GPR158: variants seen among roughly 807,000 people sequenced by gnomAD.
The protein encoded by GPR158 is metabotropic glycine receptor.
A neutral mutation model predicts 78.2 loss-of-function variants in GPR158; 30 were observed. The observed-to-expected ratio is 0.38, with a 90% confidence interval of 0.29 to 0.52. The LOEUF (loss-of-function observed/expected upper bound fraction) is 0.52, where lower values mean the gene tolerates loss of function less well. Among genes scored for constraint, GPR158 ranks in the 20% least tolerant of loss-of-function variants. GPR158 has a pLI of 0.83. For synonymous variants in GPR158, 581 were observed against 591.1 expected, an observed-to-expected ratio of 0.98 and a Z score of 0.25; for missense variants, 1,463 against 1,523.5, an observed-to-expected ratio of 0.96 and a Z score of 0.66.
chr10:25,534,806 TC>T, intron 5 of GPR158, among the ~76,000 whole-genome samples: 1 of 152,156 alleles, frequency 6.6e-6, no homozygotes, highest in Non-Finnish European at 1.5e-5. Flanking sequence ...CAGACAGGGA[TC>T]CGAATTACAT....
At position 25,601,623 on chromosome 10, in the gene GPR158, A is replaced by G. The variant is rs1321937348; in HGVS notation, c.*2349A>G. The G allele has an allele frequency of 2.0e-5, 3 of 152,656 alleles. No homozygotes were observed. Among genetic ancestry groups the G allele is most frequent in the Non-Finnish European group, 2.9e-5 (2 of 68,040 alleles). The allele number at this position is 152,656 out of a possible 1,614,324, so 9.5% of individuals were successfully genotyped here. ...TTCATAGATTATTCTCCACCAGCAT[A>G]AATCAGTGAGAGTGCCTAGAGTCTT... On this transcript the variant is annotated 3_prime_UTR_variant, in exon 11 of 11. Transcript: ENST00000376351.
chr10:25,601,970 A>G lies in GPR158; in HGVS notation c.*2696A>G, dbSNP rs1837505853. On this transcript the variant is annotated 3_prime_UTR_variant, in exon 11 of 11. Coordinates refer to ENST00000376351, the MANE Select transcript of GPR158 (RefSeq NM_020752.3). ...ATTTGAAACTCGACAGTTCTCTTGT[A>G]TTTGCTTCCTAGGTTTCTGCATGCA... is the stretch of plus-strand genomic sequence containing the variant. 6.6e-6 allele frequency: 1 copy of G among 152,590 alleles called. No homozygotes were observed. Among genetic ancestry groups the G allele is most frequent in the African/African-American group, 2.4e-5 (1 of 41,454 alleles). 9.5% of individuals were successfully genotyped at this position (152,590 alleles called of 1,614,324 possible).
chr10:25,437,705 T>C (rs1420466763), intron 4 of GPR158, among the ~76,000 whole-genome samples: 1 of 152,130 alleles, frequency 6.6e-6, no homozygotes, highest in Non-Finnish European at 1.5e-5. Context: ...CTGAGCAGTT[T>C]CTGAGCAGTG....
At chr10:25,433,547 T>TGTGTGTTGTGTGTGTGTTGTGTG (rs67750453) in intron 4 of GPR158, among the ~76,000 whole-genome samples, 1 of 96,328 alleles carries the variant, frequency 1.0e-5, no homozygotes, top group African/African-American at 2.8e-5. Flanking sequence ...TGTGTGTGTG[T>TGTGTGTTGTGTGTGTGTTGTGTG]TGTGTGTGTG....
At chr10:25,490,676 T>G (rs1588885384) in intron 5 of GPR158, among the ~76,000 whole-genome samples, 1 of 144,164 alleles carries the variant, frequency 6.9e-6, no homozygotes, top group Non-Finnish European at 1.5e-5. Context: ...CCACATTTTC[T>G]TAATCCAGTC....
Position 25,600,480 on chromosome 10 carries a change from T to G in GPR158, c.*1206T>G, listed in dbSNP as rs1837482015. 6.6e-6 allele frequency: 1 copy of G among 152,288 alleles called. No homozygotes were observed. Among genetic ancestry groups the G allele is most frequent in the Non-Finnish European group, 1.5e-5 (1 of 68,034 alleles). 9.4% of individuals were successfully genotyped at this position (152,288 alleles called of 1,614,324 possible). A position where few individuals can be genotyped will look rare whatever the true frequency, so the allele number is the denominator to read the frequency against. On this transcript the variant is annotated 3_prime_UTR_variant, in exon 11 of 11. Coordinates refer to ENST00000376351, the MANE Select transcript of GPR158 (RefSeq NM_020752.3). ...CTGATAGCACTTTCAAGGGATTATTTTTTTAAAGAGAAAAATTATGGTAGC... is the reference window on the plus strand; with the variant it reads ...CTGATAGCACTTTCAAGGGATTATTGTTTTAAAGAGAAAAATTATGGTAGC...
chr10:25,192,421 C>T (rs910398469), intron 1 of GPR158, among the ~76,000 whole-genome samples: 1 of 152,110 alleles, frequency 6.6e-6, no homozygotes, highest in African/African-American at 2.4e-5. Flanking sequence ...TTGAAAATAC[C>T]TTGCCTATTT....
chr10:25,478,110 T>C (rs1256178877), intron 5 of GPR158, among the ~76,000 whole-genome samples: 1 of 152,184 alleles, frequency 6.6e-6, no homozygotes, highest in Non-Finnish European at 1.5e-5. Context: ...CTAGGATGTA[T>C]GGTTAAGAGC....
intron 4 of GPR158, among the ~76,000 whole-genome samples, chr10:25,422,895 T>A (rs1201000161): frequency 1.4e-4 from 18 of 132,944 alleles, no homozygotes; most frequent in African/African-American, 4.9e-4. Context: ...CATTGTATCA[T>A]TCTTATGCCT....
chr10:25,409,843 C>T (rs1240546906), intron 3 of GPR158, among the ~76,000 whole-genome samples: 1 of 152,078 alleles, frequency 6.6e-6, no homozygotes, highest in East Asian at 1.9e-4. Context: ...CATAATTATT[C>T]CTATCAACCA....
At position 25,225,183 on chromosome 10, in the gene GPR158, C is replaced by CTTTTTTT. The variant is rs60603738; in HGVS notation, c.1008+4035_1008+4041dup. ...AGATCAGCAGATTTGGAACATTTGC[C>CTTTTTTT]TTTTTTTTTTTTTTTGTATAAAGCA... On this transcript the variant is annotated intron_variant, in intron 2 of 10. Transcript: ENST00000376351. Among the ~76,000 whole-genome samples, 22 of 134,762 alleles carry CTTTTTTT rather than the reference C, an allele frequency of 1.6e-4. 1 individual carries two copies. The highest frequency in any genetic ancestry group is 5.9e-4 in the African/African-American group (21 of 35,432). The allele number at this position is 134,762 out of a possible 152,430, so 88.4% of individuals were successfully genotyped here. A position where few individuals can be genotyped will look rare whatever the true frequency, so the allele number is the denominator to read the frequency against.
chr10:25,546,962 C>T (rs142470114), intron 5 of GPR158, among the ~76,000 whole-genome samples: 43 of 152,192 alleles, frequency 2.8e-4, no homozygotes, highest in African/African-American at 9.4e-4. Context: ...TCAGCTAGCT[C>T]CAAGTGTGAA....
chr10:25,188,286 TA>T (rs1852717746), intron 1 of GPR158, among the ~76,000 whole-genome samples: 1 of 152,166 alleles, frequency 6.6e-6, no homozygotes, highest in African/African-American at 2.4e-5. Context: ...AACACTACTT[TA>T]AAGTTCATGT....
At chr10:25,338,332 A>G (rs559238621) in intron 2 of GPR158, among the ~76,000 whole-genome samples, 2 of 148,698 alleles carry the variant, frequency 1.3e-5, no homozygotes, top group African/African-American at 4.9e-5. Flanking sequence ...TGTTGATTCC[A>G]GTGTTTTGCC....
chr10:25,456,651 A>G (rs1227553403), intron 4 of GPR158, among the ~76,000 whole-genome samples: 1 of 152,246 alleles, frequency 6.6e-6, no homozygotes, highest in Non-Finnish European at 1.5e-5. Flanking sequence ...AAGATTAAAA[A>G]GGTTCAAATG....
At chr10:25,588,737 T>C (rs1479056332) in intron 7 of GPR158, among the ~76,000 whole-genome samples, 2 of 152,206 alleles carry the variant, frequency 1.3e-5, no homozygotes, top group Non-Finnish European at 2.9e-5. Context: ...AAGCAAGGTA[T>C]TATCAAAAAA....
At chr10:25,358,761 G>A (rs1855587791) in intron 2 of GPR158, among the ~76,000 whole-genome samples, 1 of 151,972 alleles carries the variant, frequency 6.6e-6, no homozygotes, top group Admixed American at 6.6e-5. Context: ...CCACGTTTGT[G>A]AACTCCCAGA....
chr10:25,241,341 CTCTTTTCTCTTT>C lies in GPR158; in HGVS notation c.1008+20207_1008+20218del, dbSNP rs1224801268. Among the ~76,000 whole-genome samples the C allele has an allele frequency of 4.6e-5, 5 of 108,922 alleles. 1 individual carries two copies. The highest frequency in any genetic ancestry group is 8.3e-5 in the African/African-American group (2 of 24,088). The allele number at this position is 108,922 out of a possible 152,430, so 71.5% of individuals were successfully genotyped here. Reference sequence around the variant, plus strand: ...CTTCTCTTCTCTTCTCTTCTCTTTTCTCTTTTCTCTTTTCTTTTCTCTTTTCTTTTCTCTCTT... The same window carrying C: ...CTTCTCTTCTCTTCTCTTCTCTTTTCTCTTTTCTCTTTTCTTTTCTCTCTT... On this transcript the variant is annotated intron_variant, in intron 2 of 10. Coordinates refer to ENST00000376351, the MANE Select transcript of GPR158 (RefSeq NM_020752.3).
At chr10:25,387,191 T>G (rs1404384996) in intron 2 of GPR158, among the ~76,000 whole-genome samples, 4 of 152,234 alleles carry the variant, frequency 2.6e-5, no homozygotes, top group Admixed American at 2.6e-4. Flanking sequence ...AAAAGGGTGT[T>G]GCATTGTGTC....
Sources: allele counts gnomAD v4.1 joint callset (sites outside exome capture counted in the v4.1 genomes callset), GRCh38; gene constraint gnomAD v4.1.1; transcripts MANE v1.5; gene names NCBI Gene and HGNC (gene_info 2026-07-23, HGNC 2026-07-21).